Variants in DIAPH3 observed in about 807,000 individuals in gnomAD.
DIAPH3 encodes protein diaphanous homolog 3.
In DIAPH3, 117 loss-of-function variants were observed where a neutral mutation model predicts 144.3. That is an observed-to-expected ratio of 0.81 (90% confidence interval 0.70 to 0.95). The LOEUF (loss-of-function observed/expected upper bound fraction) is 0.95, where lower values mean the gene tolerates loss of function less well. Ranked by LOEUF, DIAPH3 falls within the 40% of genes least tolerant of loss-of-function variation. DIAPH3 has a pLI of 0.00. For missense variants in DIAPH3, 1,421 were observed against 1,412.7 expected (o/e 1.01, Z -0.09); for synonymous variants, 519 against 488.9 (o/e 1.06, Z -0.81).
intron 27 of DIAPH3, among the ~76,000 whole-genome samples, chr13:59,733,258 T>C (rs1165232954): frequency 6.6e-6 from 1 of 152,192 alleles, no homozygotes. Flanking sequence ...TTAATGAATA[T>C]GAAAATGTTC....
intron 17 of DIAPH3, among the ~76,000 whole-genome samples, chr13:59,948,184 G>A (rs1449218797): frequency 6.6e-6 from 1 of 152,138 alleles, no homozygotes; most frequent in Admixed American, 6.6e-5. Context: ...CAGGTAGTCT[G>A]ATTCCAAAGC....
chr13:59,739,862 GA>G (rs797021855), intron 27 of DIAPH3, among the ~76,000 whole-genome samples: 57 of 151,880 alleles, frequency 3.8e-4, no homozygotes, highest in African/African-American at 1.4e-3. Flanking sequence ...AATATATTCA[GA>G]AAAAAAAGTT....
chr13:59,717,771 G>A (rs1054415241), intron 27 of DIAPH3, among the ~76,000 whole-genome samples: 2 of 151,690 alleles, frequency 1.3e-5, no homozygotes, highest in Non-Finnish European at 2.9e-5. Context: ...CTTCTGAAAT[G>A]CTACCCTTGG....
At chr13:59,955,933 T>C (rs964665674) in intron 17 of DIAPH3, among the ~76,000 whole-genome samples, 4 of 152,146 alleles carry the variant, frequency 2.6e-5, no homozygotes, top group African/African-American at 7.2e-5. Context: ...CTGTGGAACT[T>C]TGAAAATGAG....
intron 1 of DIAPH3, among the ~76,000 whole-genome samples, chr13:60,146,713 A>G (rs1951540211): frequency 6.6e-6 from 1 of 152,216 alleles, no homozygotes; most frequent in Non-Finnish European, 1.5e-5. Context: ...GCCAAAGGAG[A>G]CTTCAGCAAT....
chr13:59,952,145 T>C (rs2049130531), intron 17 of DIAPH3, among the ~76,000 whole-genome samples: 1 of 152,152 alleles, frequency 6.6e-6, no homozygotes, highest in African/African-American at 2.4e-5. Context: ...GAAAGCCAGA[T>C]ACGGTAAGTC....
Position 59,992,587 on chromosome 13 carries a change from C to T in DIAPH3, c.1015-4G>A. On this transcript the variant is annotated splice_polypyrimidine_tract_variant and splice_region_variant and intron_variant, in intron 9 of 27. Transcript: ENST00000400324. ...TGATGAGCTGCATACAAGCTACCTA[C>T]AAGAGATCAAACAGTGAGACAGACT... The T allele has an allele frequency of 6.2e-7, 1 of 1,608,010 alleles. No individual in the cohort carries two copies. The highest frequency in any genetic ancestry group is 8.5e-7 in the Non-Finnish European group (1 of 1,175,734).
At chr13:59,681,083 T>G (rs182738284) in intron 27 of DIAPH3, among the ~76,000 whole-genome samples, 30 of 152,326 alleles carry the variant, frequency 2.0e-4, no homozygotes, top group African/African-American at 6.7e-4. Flanking sequence ...AGTTATAGCT[T>G]TACTTATTAA....
intron 27 of DIAPH3, among the ~76,000 whole-genome samples, chr13:59,765,950 C>T (rs2037840917): frequency 6.6e-6 from 1 of 152,188 alleles, no homozygotes; most frequent in Non-Finnish European, 1.5e-5. Context: ...TAGGGTCCCC[C>T]ATCCCTGCCA....
intron 18 of DIAPH3, 39 bp downstream of exon 18, chr13:59,924,736 T>A (rs1479002707): frequency 6.3e-7 from 1 of 1,581,772 alleles, no homozygotes; most frequent in African/African-American, 1.3e-5. Context: ...AAAGAAATAT[T>A]TCCACTGTCT....
intron 5 of DIAPH3, among the ~76,000 whole-genome samples, chr13:60,019,201 G>A (rs1263406214): frequency 6.6e-6 from 1 of 152,120 alleles, no homozygotes; most frequent in Non-Finnish European, 1.5e-5. Flanking sequence ...CTCATCATCA[G>A]TGTAAGAAGC....
At chr13:59,888,944 A>G (rs2140111896) in intron 20 of DIAPH3, among the ~76,000 whole-genome samples, 1 of 151,980 alleles carries the variant, frequency 6.6e-6, no homozygotes, top group South Asian at 2.1e-4. Context: ...GCTGTCTATT[A>G]CTTCTATGAA....
intron 20 of DIAPH3, among the ~76,000 whole-genome samples, chr13:59,910,476 C>T (rs1315788716): frequency 1.3e-5 from 2 of 151,788 alleles, no homozygotes; most frequent in East Asian, 3.9e-4. Context: ...ACCTGTAATC[C>T]CAGAACTTTG....
chr13:60,108,364 T>C (rs1178705423), intron 3 of DIAPH3, among the ~76,000 whole-genome samples: 1 of 152,132 alleles, frequency 6.6e-6, no homozygotes, highest in Non-Finnish European at 1.5e-5. Context: ...ATCCCAGCAC[T>C]TTGGGAGGCT....
chr13:59,877,684 G>T (rs1184919774), intron 21 of DIAPH3, among the ~76,000 whole-genome samples: 1 of 151,926 alleles, frequency 6.6e-6, no homozygotes, highest in Non-Finnish European at 1.5e-5. Flanking sequence ...TTGCCTTACA[G>T]AGTGTGACTC....
intron 20 of DIAPH3, among the ~76,000 whole-genome samples, chr13:59,900,709 G>C (rs940098044): frequency 6.6e-6 from 1 of 152,062 alleles, no homozygotes; most frequent in Non-Finnish European, 1.5e-5. Flanking sequence ...CACTCCTATA[G>C]CTTTGTATGT....
At chr13:60,036,213 T>C (rs953735234) in intron 5 of DIAPH3, among the ~76,000 whole-genome samples, 1 of 152,204 alleles carries the variant, frequency 6.6e-6, no homozygotes, top group African/African-American at 2.4e-5. Context: ...ATTTTCTTTA[T>C]AATAGTCTCA....
At chr13:60,138,286 G>GT (rs1243047409) in intron 1 of DIAPH3, among the ~76,000 whole-genome samples, 1 of 152,180 alleles carries the variant, frequency 6.6e-6, no homozygotes, top group Non-Finnish European at 1.5e-5. Context: ...AGTCATGCCT[G>GT]TAATGATGTG....
intron 17 of DIAPH3, among the ~76,000 whole-genome samples, chr13:59,929,595 C>T (rs1360191701): frequency 1.8e-5 from 2 of 113,070 alleles, no homozygotes; most frequent in African/African-American, 7.0e-5. Flanking sequence ...TAGAGTCTTG[C>T]TCTGTCGCCC....
Sources: gnomAD v4.1 joint callset for allele counts (sites outside exome capture counted in the v4.1 genomes callset) on GRCh38, gnomAD v4.1.1 for gene constraint, MANE v1.5 for transcripts, NCBI Gene and HGNC (gene_info 2026-07-23, HGNC 2026-07-21) for gene names.